The following IFT56 variants were observed in gnomAD, a reference collection of about 807,000 sequenced individuals.
The protein encoded by IFT56 is intraflagellar transport 56, also known as intraflagellar transport protein 56.
At chr7:139,153,001 T>C in the IFT56 span, among the ~76,000 whole-genome samples, 2 of 151,562 alleles carry the variant, frequency 1.3e-5, no homozygotes. Context: ...TACAAAAAAT[T>C]AGCAGGGCGT....
the IFT56 span, among the ~76,000 whole-genome samples, chr7:139,167,797 C>T: frequency 9.2e-5 from 14 of 151,728 alleles, no homozygotes; most frequent in African/African-American, 2.9e-4. Context: ...AAAAATTAGC[C>T]GGGTGTGGTG....
At chr7:139,189,936 GCA>G in the IFT56 span, 1 of 152,318 alleles carries the variant, frequency 6.6e-6, no homozygotes, top group East Asian at 1.9e-4. Context: ...TCTAAGAAAG[GCA>G]GTAAGCTACT....
chr7:139,155,706 G>A, the IFT56 span, among the ~76,000 whole-genome samples: 245 of 151,952 alleles, frequency 1.6e-3, no homozygotes, highest in Middle Eastern at 3.4e-3. Flanking sequence ...AGGATTTTGT[G>A]TCCATATTCA....
the IFT56 span, among the ~76,000 whole-genome samples, chr7:139,147,455 T>G: frequency 0.25 from 37,675 of 152,054 alleles, 8,435 homozygotes; most frequent in African/African-American, 0.57. Context: ...TAAATCAGGC[T>G]TTCTCTACCT....
At chr7:139,139,104 G>A in the IFT56 span, among the ~76,000 whole-genome samples, 1 of 152,086 alleles carries the variant, frequency 6.6e-6, no homozygotes, top group Non-Finnish European at 1.5e-5. Context: ...GAGCCACTGC[G>A]CCCAGCCACA....
chr7:139,174,159 A>G, the IFT56 span: 1 of 593,180 alleles, frequency 1.7e-6, no homozygotes, highest in African/African-American at 1.9e-5. Context: ...GAAGCACATG[A>G]TCTTCAGTTG....
chr7:139,164,146 C>T, the IFT56 span, among the ~76,000 whole-genome samples: 2 of 152,148 alleles, frequency 1.3e-5, no homozygotes, highest in African/African-American at 2.4e-5. Context: ...AGGGGAGTGG[C>T]CTGTTCCTGC....
chr7:139,134,536 G>A, the IFT56 span: 1 of 1,146,790 alleles, frequency 8.7e-7, no homozygotes, highest in Non-Finnish European at 1.2e-6. Flanking sequence ...TCAAAGTGCT[G>A]GGATTACAGG....
chr7:139,151,873 C>T, the IFT56 span, among the ~76,000 whole-genome samples: 11 of 152,194 alleles, frequency 7.2e-5, no homozygotes, highest in African/African-American at 2.6e-4. Flanking sequence ...ACCAGCCTGA[C>T]CAACATGATG....
chr7:139,135,171 C>A, the IFT56 span, among the ~76,000 whole-genome samples: 1 of 147,316 alleles, frequency 6.8e-6, no homozygotes, highest in East Asian at 2.1e-4. Context: ...CCCAGCTACT[C>A]GGGAGGCTGA....
chr7:139,154,457 A>G, the IFT56 span, among the ~76,000 whole-genome samples: 1 of 151,966 alleles, frequency 6.6e-6, no homozygotes, highest in Non-Finnish European at 1.5e-5. Flanking sequence ...TTTTCCACTA[A>G]GAGTTTTATA....
the IFT56 span, among the ~76,000 whole-genome samples, chr7:139,136,938 A>G: frequency 1.3e-5 from 2 of 152,208 alleles, no homozygotes; most frequent in Non-Finnish European, 2.9e-5. Flanking sequence ...TTAAGGCATG[A>G]TACTCAAATT....
chr7:139,160,129 G>A, the IFT56 span, among the ~76,000 whole-genome samples: 1 of 152,134 alleles, frequency 6.6e-6, no homozygotes, highest in African/African-American at 2.4e-5. Flanking sequence ...AAAAATTGCT[G>A]AGCAGACATG....
the IFT56 span, among the ~76,000 whole-genome samples, chr7:139,147,794 T>C: frequency 6.6e-6 from 1 of 152,148 alleles, no homozygotes; most frequent in South Asian, 2.1e-4. Flanking sequence ...ACACTTGGCC[T>C]CTCTCTCCCT....
chr7:139,160,799 G>A, the IFT56 span: 1 of 528,728 alleles, frequency 1.9e-6, no homozygotes, highest in East Asian at 3.3e-5. Context: ...TTGAAAATGT[G>A]GGTAATAATA....
the IFT56 span, among the ~76,000 whole-genome samples, chr7:139,154,198 T>C: frequency 6.6e-6 from 1 of 152,204 alleles, no homozygotes; most frequent in Non-Finnish European, 1.5e-5. Context: ...CTTTTTATTA[T>C]TGAGTTTCAC....
the IFT56 span, chr7:139,168,423 A>G: frequency 6.3e-7 from 1 of 1,590,570 alleles, no homozygotes. Flanking sequence ...CTGATAATCT[A>G]TAGGTTGCAA....
At chr7:139,163,807 A>G in the IFT56 span, among the ~76,000 whole-genome samples, 1 of 152,206 alleles carries the variant, frequency 6.6e-6, no homozygotes, top group Non-Finnish European at 1.5e-5. Context: ...AGGTGAATGA[A>G]TTAATCTCGG....
the IFT56 span, among the ~76,000 whole-genome samples, chr7:139,139,434 A>G: frequency 6.6e-6 from 1 of 152,328 alleles, no homozygotes; most frequent in South Asian, 2.1e-4. Flanking sequence ...CTTGGCAGGA[A>G]AAACAAAACA....
Sources: gnomAD v4.1 joint callset for allele counts (sites outside exome capture counted in the v4.1 genomes callset) on GRCh38, gnomAD v4.1.1 for gene constraint, MANE v1.5 for transcripts, NCBI Gene and HGNC (gene_info 2026-07-23, HGNC 2026-07-21) for gene names.